RALYL: variants seen among roughly 807,000 people sequenced by gnomAD.
RALYL encodes RALY RNA binding protein like.
RALYL carries 29 observed loss-of-function variants against 35.1 expected under a neutral mutation model. That is an observed-to-expected ratio of 0.83 (90% CI 0.61 to 1.13). RALYL has a LOEUF of 1.13. Ranked by LOEUF, RALYL falls within the 50% of genes most tolerant of loss-of-function variation. The pLI, the probability that RALYL is intolerant of heterozygous loss-of-function variation, is 0.00. For synonymous variants in RALYL, 120 were observed against 127.6 expected (o/e 0.94, Z 0.40); for missense variants, 359 against 360.4 (o/e 1.00, Z 0.03).
intron 2 of RALYL, among the ~76,000 whole-genome samples, chr8:84,754,220 G>A (rs1276790399): frequency 1.3e-5 from 2 of 151,670 alleles, no homozygotes; most frequent in Non-Finnish European, 2.9e-5. Context: ...TGCCCACAAT[G>A]TGCACATGTA....
At chr8:84,198,270 G>A (rs1815920096) in intron 1 of RALYL, among the ~76,000 whole-genome samples, 1 of 152,142 alleles carries the variant, frequency 6.6e-6, no homozygotes, top group South Asian at 2.1e-4. Context: ...TTCTACATTT[G>A]TAGAGGGCTT....
intron 2 of RALYL, among the ~76,000 whole-genome samples, chr8:84,709,144 G>A (rs920829371): frequency 2.0e-5 from 3 of 152,034 alleles, no homozygotes; most frequent in African/African-American, 7.2e-5. Context: ...ATTTCTGTGG[G>A]TTGCAATCTC....
At chr8:84,620,559 G>C (rs981535684) in intron 2 of RALYL, among the ~76,000 whole-genome samples, 1 of 152,116 alleles carries the variant, frequency 6.6e-6, no homozygotes, top group Admixed American at 6.5e-5. Context: ...GTAGCTCAGA[G>C]TAATTTGATC....
intron 2 of RALYL, among the ~76,000 whole-genome samples, chr8:84,685,906 CA>C (rs1270425294): frequency 6.6e-6 from 1 of 152,098 alleles, no homozygotes; most frequent in Admixed American, 6.6e-5. Context: ...AGTAGGAGGA[CA>C]GTGAGCTGAA....
intron 2 of RALYL, among the ~76,000 whole-genome samples, chr8:84,619,213 T>C (rs1051782917): frequency 2.6e-5 from 4 of 151,884 alleles, no homozygotes; most frequent in African/African-American, 9.7e-5. Flanking sequence ...CTCCCATTAT[T>C]AATGTGTGGC....
chr8:84,487,763 T>A lies in RALYL; in HGVS notation c.-23-41536T>A, dbSNP rs568815176. Among the ~76,000 whole-genome samples, 6 of 152,202 alleles carry A rather than the reference T, an allele frequency of 3.9e-5. No individual in the cohort carries two copies. In the South Asian group the frequency reaches 1.2e-3, roughly 32 times the overall value. ...TTATAGAAAATACTTGCAAACCCCTTCTTATTGTGTAGAAAGAATTTGGTG... is the reference window on the plus strand; with the variant it reads ...TTATAGAAAATACTTGCAAACCCCTACTTATTGTGTAGAAAGAATTTGGTG... On this transcript the variant is annotated intron_variant, in intron 1 of 8. Coordinates refer to ENST00000521268, the MANE Select transcript of RALYL (RefSeq NM_173848.7).
At chr8:84,272,975 C>T (rs1452406365) in intron 1 of RALYL, among the ~76,000 whole-genome samples, 1 of 152,186 alleles carries the variant, frequency 6.6e-6, no homozygotes, top group Non-Finnish European at 1.5e-5. Flanking sequence ...TAGTGATATA[C>T]ATTTGCTAGA....
chr8:84,705,030 C>T (rs1446580056), intron 2 of RALYL, among the ~76,000 whole-genome samples: 2 of 152,262 alleles, frequency 1.3e-5, no homozygotes, highest in Admixed American at 6.5e-5. Context: ...GTGGGTCCTT[C>T]TGTATTTTAA....
At chr8:84,706,076 C>T in intron 2 of RALYL, 1 of 1,534,074 alleles carries the variant, frequency 6.5e-7, no homozygotes, top group African/African-American at 1.4e-5. Context: ...TAAAATCTGA[C>T]CCAACTTTTT....
intron 1 of RALYL, among the ~76,000 whole-genome samples, chr8:84,235,897 G>T (rs928781893): frequency 6.6e-6 from 1 of 151,342 alleles, no homozygotes; most frequent in South Asian, 2.1e-4. Flanking sequence ...CTCCCGAGTA[G>T]CTGGGATTAT....
chr8:84,705,968 C>G, intron 2 of RALYL: 2 of 1,532,300 alleles, frequency 1.3e-6, no homozygotes, highest in Non-Finnish European at 1.7e-6. Flanking sequence ...CACAACCCGT[C>G]TCTTTGTCTC....
chr8:84,710,625 CT>C (rs1302996517), intron 2 of RALYL, among the ~76,000 whole-genome samples: 4 of 150,960 alleles, frequency 2.6e-5, no homozygotes, highest in Admixed American at 2.6e-4. Context: ...TGTAATTTTT[CT>C]TAAAATTTCT....
intron 2 of RALYL, among the ~76,000 whole-genome samples, chr8:84,728,685 C>G (rs1237988615): frequency 6.6e-6 from 1 of 152,048 alleles, no homozygotes; most frequent in South Asian, 2.1e-4. Flanking sequence ...TTTCAGCTTT[C>G]TACATATGGC....
At chr8:84,825,686 G>A (rs1829523832) in intron 4 of RALYL, among the ~76,000 whole-genome samples, 1 of 152,024 alleles carries the variant, frequency 6.6e-6, no homozygotes, top group Non-Finnish European at 1.5e-5. Context: ...TGGCTAACAT[G>A]GTGAAACCCC....
chr8:84,275,474 A>AATAT (rs112699780), intron 1 of RALYL, among the ~76,000 whole-genome samples: 86 of 147,154 alleles, frequency 5.8e-4, no homozygotes, highest in African/African-American at 1.6e-3. Context: ...GATGTTTTGA[A>AATAT]ATATATATAT....
intron 2 of RALYL, among the ~76,000 whole-genome samples, chr8:84,770,406 T>TCATATATATATACACATATATATATATA (rs1815146087): frequency 2.0e-5 from 3 of 150,090 alleles, no homozygotes; most frequent in African/African-American, 7.3e-5. Context: ...TAGTAGTCCA[T>TCATATATATATACACATATATATATATA]CATATATATA....
At chr8:84,424,988 T>C (rs1001730515) in intron 1 of RALYL, among the ~76,000 whole-genome samples, 2 of 152,004 alleles carry the variant, frequency 1.3e-5, no homozygotes, top group African/African-American at 4.8e-5. Context: ...CTGCAGAGGT[T>C]ACTGCTGTCT....
At position 84,540,899 on chromosome 8, in the gene RALYL, CA is replaced by C. The variant is rs372169823; in HGVS notation, c.256+11330del. 1.9e-3 allele frequency among the ~76,000 whole-genome samples: 281 copies of C among 150,404 alleles called. 2 individuals carry two copies. The highest frequency in any genetic ancestry group is 6.2e-3 in the African/African-American group (253 of 41,078). On this transcript the variant is annotated intron_variant, in intron 2 of 8. Coordinates refer to ENST00000521268, the MANE Select transcript of RALYL (RefSeq NM_173848.7). ...TGTCAGTTATGGAAAAATGAGTTTT[CA>C]AAAAAAAGTGTACATTTGATACACA...
chr8:84,529,249 A>G lies in RALYL; in HGVS notation c.-23-50A>G, dbSNP rs754411439. 2.4e-4 allele frequency: 364 copies of G among 1,536,102 alleles called. 1 individual carries two copies. Among genetic ancestry groups the G allele is most frequent in the Non-Finnish European group, 2.9e-4 (333 of 1,136,980 alleles). On this transcript the variant is annotated intron_variant, in intron 1 of 8. Transcript: ENST00000521268. ...AAGCCACTGATACCCATTCGATCTA[A>G]TGATTTACCTTTTGATTATTTGTTT...
Sources: gnomAD v4.1 joint callset for allele counts (sites outside exome capture counted in the v4.1 genomes callset) on GRCh38, gnomAD v4.1.1 for gene constraint, MANE v1.5 for transcripts, NCBI Gene and HGNC (gene_info 2026-07-23, HGNC 2026-07-21) for gene names.